Variants in CBLB observed in about 807,000 individuals in gnomAD.
CBLB encodes the protein E3 ubiquitin-protein ligase CBL-B.
A neutral mutation model predicts 104.9 loss-of-function variants in CBLB; 31 were observed. The ratio of observed to expected loss-of-function variants is 0.30; its 90% confidence interval spans 0.22 to 0.40. The LOEUF is 0.40. Among genes scored for constraint, CBLB ranks in the 10% least tolerant of loss-of-function variants. The pLI is 1.00. For missense variants in CBLB, 1,062 were observed against 1,214.6 expected, an observed-to-expected ratio of 0.87 and a Z score of 1.87; for synonymous variants, 440 against 422.6, an observed-to-expected ratio of 1.04 and a Z score of -0.51.
chr3:105,757,467 G>A (rs531940544), intron 4 of CBLB, among the ~76,000 whole-genome samples: 1 of 152,142 alleles, frequency 6.6e-6, no homozygotes, highest in South Asian at 2.1e-4. Flanking sequence ...CGCTGAGAGA[G>A]GGCGTCTTCC....
At chr3:105,735,683 G>T (rs2074844651) in intron 8 of CBLB, among the ~76,000 whole-genome samples, 1 of 152,190 alleles carries the variant, frequency 6.6e-6, no homozygotes, top group Non-Finnish European at 1.5e-5. Flanking sequence ...GGGCATGGTG[G>T]CTCACGCCTG....
chr3:105,854,624 T>C (rs940422734), intron 2 of CBLB, among the ~76,000 whole-genome samples: 2 of 150,690 alleles, frequency 1.3e-5, no homozygotes, highest in African/African-American at 4.9e-5. Context: ...GTCAAGAGTA[T>C]ATCTTATTTT....
intron 3 of CBLB, among the ~76,000 whole-genome samples, chr3:105,813,660 T>G (rs2084615477): frequency 1.3e-5 from 2 of 152,280 alleles, no homozygotes; most frequent in South Asian, 4.1e-4. Flanking sequence ...ATACTGTATT[T>G]ATAATTTATC....
rs147156324 is a variant in CBLB at position 105,861,684 on chromosome 3, T to TACACAC, written c.168+5720_168+5725dup. Among the ~76,000 whole-genome samples the TACACAC allele has an allele frequency of 2.1e-3, 299 of 145,092 alleles. 1 individual carries two copies. The highest frequency in any genetic ancestry group is 5.5e-3 in the South Asian group (25 of 4,526). On this transcript the variant is annotated intron_variant, in intron 2 of 18. Coordinates refer to ENST00000394030, the MANE Select transcript of CBLB (RefSeq NM_170662.5). Reference sequence around the variant, plus strand: ...ACCTCTCCTATGGTGTGTGCACACATACACACACACACACACACACACATA... The same window carrying TACACAC: ...ACCTCTCCTATGGTGTGTGCACACATACACACACACACACACACACACACACACATA...
intron 4 of CBLB, among the ~76,000 whole-genome samples, chr3:105,758,346 C>T (rs923716560): frequency 3.3e-5 from 5 of 152,136 alleles, no homozygotes; most frequent in Admixed American, 2.0e-4. Flanking sequence ...ATTCCTGACA[C>T]GATAAAGACA....
intron 18 of CBLB, among the ~76,000 whole-genome samples, chr3:105,668,151 C>G (rs1559745409): frequency 6.6e-6 from 1 of 152,078 alleles, no homozygotes; most frequent in Non-Finnish European, 1.5e-5. Context: ...CTAGCTGGGC[C>G]CTCAGAGTAA....
intron 2 of CBLB, among the ~76,000 whole-genome samples, chr3:105,854,356 A>G (rs1396281719): frequency 6.6e-6 from 1 of 152,200 alleles, no homozygotes; most frequent in Non-Finnish European, 1.5e-5. Flanking sequence ...TAGTAATCCA[A>G]CTAATGTATT....
rs933001712 is a variant in CBLB, at chr3:105,868,650, T to C, written c.-15+86A>G. 6 of 899,628 alleles carry C rather than the reference T, an allele frequency of 6.7e-6. No individual in the cohort carries two copies. In the African/African-American group the frequency reaches 1.1e-4, roughly 16 times the overall value. The allele number at this position is 899,628 out of a possible 1,614,324, so 55.7% of individuals were successfully genotyped here. ...AGCTGAGAGCCAGGGCTGTCCCCTCTTCCTCCTTGGCCCGCGCCTGGCTAC... is the reference window on the plus strand; with the variant it reads ...AGCTGAGAGCCAGGGCTGTCCCCTCCTCCTCCTTGGCCCGCGCCTGGCTAC... On this transcript the variant is annotated intron_variant, in intron 1 of 18. Coordinates refer to ENST00000394030, the MANE Select transcript of CBLB (RefSeq NM_170662.5).
intron 2 of CBLB, among the ~76,000 whole-genome samples, chr3:105,856,690 TTA>T (rs1465017115): frequency 6.6e-6 from 1 of 152,180 alleles, no homozygotes; most frequent in Non-Finnish European, 1.5e-5. Flanking sequence ...AGGTATAGGC[TTA>T]GTTAAAAAGT....
chr3:105,659,108 TG>T lies in CBLB; in HGVS notation c.2810del (p.Ala937GlufsTer13), dbSNP rs1576062595. On this transcript the variant is annotated frameshift_variant, in exon 19 of 19. Coordinates refer to ENST00000394030, the MANE Select transcript of CBLB (RefSeq NM_170662.5). LOFTEE classifies it high-confidence loss of function. ...AALENVDAKI[A>X]KLMGEGYAFE... ...AGGCATAACCCTCTCCCATGAGTTT[TG>T]CAATTTTTGCATCGACATTTTCCAA... 1 of 1,614,044 alleles carries T rather than the reference TG, an allele frequency of 6.2e-7. No individual in the cohort carries two copies. The highest frequency in any genetic ancestry group is 1.1e-5 in the South Asian group (1 of 91,074).
intron 4 of CBLB, among the ~76,000 whole-genome samples, chr3:105,752,149 T>G (rs1247956828): frequency 6.6e-6 from 1 of 152,220 alleles, no homozygotes; most frequent in Non-Finnish European, 1.5e-5. Context: ...AAAACATACG[T>G]TATCTAACTT....
At chr3:105,825,823 T>C (rs896234570) in intron 3 of CBLB, among the ~76,000 whole-genome samples, 2 of 152,196 alleles carry the variant, frequency 1.3e-5, no homozygotes, top group African/African-American at 4.8e-5. Flanking sequence ...GATATCACTA[T>C]CACAGACTAA....
chr3:105,822,233 T>C (rs1286793789), intron 3 of CBLB, among the ~76,000 whole-genome samples: 1 of 152,166 alleles, frequency 6.6e-6, no homozygotes, highest in African/African-American at 2.4e-5. Flanking sequence ...CATGTTTAAG[T>C]ATTTATAAAT....
intron 3 of CBLB, among the ~76,000 whole-genome samples, chr3:105,808,802 C>T (rs2083862336): frequency 6.6e-6 from 1 of 152,086 alleles, no homozygotes; most frequent in African/African-American, 2.4e-5. Context: ...ATAGAAATAA[C>T]TGATAAAAAT....
At chr3:105,691,392 C>T (rs1042063357) in intron 13 of CBLB, among the ~76,000 whole-genome samples, 2 of 152,194 alleles carry the variant, frequency 1.3e-5, no homozygotes, top group African/African-American at 4.8e-5. Flanking sequence ...TTTAGATGCA[C>T]TTACCAACTG....
chr3:105,747,503 T>C (rs976109790), intron 5 of CBLB, among the ~76,000 whole-genome samples: 1 of 152,062 alleles, frequency 6.6e-6, no homozygotes, highest in Non-Finnish European at 1.5e-5. Context: ...ACAAGAAAAA[T>C]CTTTGGGGTA....
intron 3 of CBLB, among the ~76,000 whole-genome samples, chr3:105,822,192 T>C (rs2085966470): frequency 6.6e-6 from 1 of 152,184 alleles, no homozygotes; most frequent in South Asian, 2.1e-4. Flanking sequence ...TGAACCAATG[T>C]ATCAACAAAT....
chr3:105,740,547 T>C lies in CBLB; in HGVS notation c.930A>G (p.Ile310Met), dbSNP rs2075418380. The change falls in exon 7 of 19, where the codon ATA becomes ATG. Residue 310 changes from isoleucine to methionine, a missense_variant. Coordinates refer to ENST00000394030, the MANE Select transcript of CBLB (RefSeq NM_170662.5). ...VTGDGNILQT[I>M]PHNKPLFQAL... ...CTTGAAATAAGGGCTTGTTATGAGG[T>C]ATGGTCTGTAAGATATTCCCATCCC... is the stretch of plus-strand genomic sequence containing the variant. 1 of 1,613,962 alleles carries C rather than the reference T, an allele frequency of 6.2e-7. No homozygotes were observed. Among genetic ancestry groups the C allele is most frequent in the South Asian group, 1.1e-5 (1 of 91,090 alleles).
intron 3 of CBLB, among the ~76,000 whole-genome samples, chr3:105,787,680 G>A (rs1045117535): frequency 3.3e-5 from 5 of 152,202 alleles, no homozygotes; most frequent in Admixed American, 2.0e-4. Context: ...TTAGACTGAA[G>A]AAATCCTGAA....
Sources: gnomAD v4.1 joint callset for allele counts (sites outside exome capture counted in the v4.1 genomes callset) on GRCh38, gnomAD v4.1.1 for gene constraint, MANE v1.5 for transcripts, NCBI Gene and HGNC (gene_info 2026-07-23, HGNC 2026-07-21) for gene names.